The following PCDHA1 variants were observed in gnomAD, a reference collection of about 807,000 sequenced individuals.
The protein encoded by PCDHA1 is protocadherin alpha-1.
Under a neutral mutation model 61.3 loss-of-function variants are expected in PCDHA1, and 42 were observed. The observed-to-expected ratio is 0.69, with a 90% CI of 0.54 to 0.89. The LOEUF (loss-of-function observed/expected upper bound fraction) is 0.89, where lower values mean the gene tolerates loss of function less well. PCDHA1 is among the 40% of genes least tolerant of loss of function. The pLI, the probability that PCDHA1 is intolerant of heterozygous loss-of-function variation, is 0.00. For missense variants in PCDHA1, 1,256 were observed against 1,235.3 expected (o/e 1.02, Z -0.25); for synonymous variants, 610 against 553.8 (o/e 1.10, Z -1.43).
chr5:140,838,276 G>A (rs1775636569), intron 1 of PCDHA1, among the ~76,000 whole-genome samples: 1 of 88,868 alleles, frequency 1.1e-5, no homozygotes, highest in South Asian at 3.7e-4. Flanking sequence ...ACCAAGCCAT[G>A]CTAATTTTTT....
chr5:140,933,752 A>T (rs1308245960), intron 1 of PCDHA1, among the ~76,000 whole-genome samples: 1 of 152,068 alleles, frequency 6.6e-6, no homozygotes, highest in African/African-American at 2.4e-5. Context: ...AGAATTCACT[A>T]GTGAAGCTCT....
In PCDHA1 at chr5:140,843,731, T is replaced by C. The variant is rs1331325301; in HGVS notation, c.2394+55047T>C. 3.9e-6 allele frequency: 6 copies of C among 1,551,218 alleles called. 1 individual carries two copies. The highest frequency in any genetic ancestry group is 5.3e-6 in the Non-Finnish European group (6 of 1,131,064). On this transcript the variant is annotated intron_variant, in intron 1 of 3. Transcript: ENST00000504120. ...TGGCCTCAAAGTAAGTCCATTTAAA[T>C]TTAGAACTCATAAATTCTATTTGTG...
chr5:140,880,645 C>T (rs535367313), intron 1 of PCDHA1, among the ~76,000 whole-genome samples: 5 of 152,148 alleles, frequency 3.3e-5, no homozygotes, highest in Admixed American at 3.3e-4. Flanking sequence ...CACTTGAGAG[C>T]CCAACTGAGG....
intron 1 of PCDHA1, chr5:140,842,909 C>T: frequency 6.3e-7 from 1 of 1,594,530 alleles, no homozygotes; most frequent in Non-Finnish European, 8.6e-7. Flanking sequence ...GGAGCTAGAG[C>T]TGCTGCAGTT....
intron 3 of PCDHA1, among the ~76,000 whole-genome samples, chr5:140,999,676 C>T: frequency 6.6e-6 from 1 of 152,086 alleles, no homozygotes; most frequent in East Asian, 1.9e-4. Flanking sequence ...GGGGGGCTCA[C>T]AGAAAGAAGA....
intron 1 of PCDHA1, chr5:140,828,197 C>T (rs2150152294): frequency 1.9e-6 from 3 of 1,614,076 alleles, no homozygotes; most frequent in East Asian, 2.2e-5. Context: ...CTACTCCGTA[C>T]CCGAGGAGGC....
chr5:140,871,300 C>T (rs1562661811), intron 1 of PCDHA1: 4 of 1,613,916 alleles, frequency 2.5e-6, no homozygotes, highest in Non-Finnish European at 3.4e-6. Context: ...CGCGTGCGCG[C>T]CGGGGAAGCC....
At chr5:140,807,858 G>T in intron 1 of PCDHA1, 1 of 1,614,144 alleles carries the variant, frequency 6.2e-7, no homozygotes, top group Non-Finnish European at 8.5e-7. Flanking sequence ...GAGTTGACTG[G>T]CACCGTTCAG....
intron 1 of PCDHA1, among the ~76,000 whole-genome samples, chr5:140,962,051 T>G (rs1352018533): frequency 6.6e-6 from 1 of 151,838 alleles, no homozygotes; most frequent in East Asian, 1.9e-4. Context: ...GCCTGGCTAA[T>G]TTTTTTGTAT....
chr5:140,972,072 T>C (rs1380413898), intron 1 of PCDHA1, among the ~76,000 whole-genome samples: 1 of 152,212 alleles, frequency 6.6e-6, no homozygotes, highest in Non-Finnish European at 1.5e-5. Flanking sequence ...ATTAACTGCT[T>C]TTGGAAAAAG....
At chr5:140,899,841 T>C (rs2067584927) in intron 1 of PCDHA1, among the ~76,000 whole-genome samples, 1 of 152,208 alleles carries the variant, frequency 6.6e-6, no homozygotes, top group Non-Finnish European at 1.5e-5. Flanking sequence ...CAGGTCTTGC[T>C]GTGTCACCCA....
In PCDHA1 at chr5:140,857,896, T is replaced by A; in HGVS notation, c.2394+69212T>A. 4 of 1,597,704 alleles carry A rather than the reference T, an allele frequency of 2.5e-6. 1 individual carries two copies. The highest frequency in any genetic ancestry group is 3.4e-6 in the Non-Finnish European group (4 of 1,167,490). On this transcript the variant is annotated intron_variant, in intron 1 of 3. Coordinates refer to ENST00000504120, the MANE Select transcript of PCDHA1 (RefSeq NM_018900.4). ...ATGAATTGCAGTCGGCGGCGGTTGGTGCACGCATCCCGTTTCGCGTGGGGC... is the reference window on the plus strand; with the variant it reads ...ATGAATTGCAGTCGGCGGCGGTTGGAGCACGCATCCCGTTTCGCGTGGGGC...
chr5:140,809,075 G>A (rs1764355848), intron 1 of PCDHA1: 2 of 1,613,810 alleles, frequency 1.2e-6, no homozygotes, highest in African/African-American at 1.3e-5. Context: ...GTACACTGGC[G>A]AGATCAGCAC....
chr5:140,899,249 G>A (rs1256693010), intron 1 of PCDHA1, among the ~76,000 whole-genome samples: 9 of 152,122 alleles, frequency 5.9e-5, no homozygotes, highest in African/African-American at 2.2e-4. Context: ...TGGTGAGAGA[G>A]GGCATCCCTG....
chr5:140,806,566 A>C (rs1416834474), intron 1 of PCDHA1, among the ~76,000 whole-genome samples: 3 of 152,202 alleles, frequency 2.0e-5, no homozygotes, highest in African/African-American at 7.2e-5. Context: ...TTCCCTGTCA[A>C]TAGCTTGTTC....
intron 1 of PCDHA1, among the ~76,000 whole-genome samples, chr5:140,819,477 A>G (rs1335807902): frequency 6.6e-6 from 1 of 152,148 alleles, no homozygotes; most frequent in Non-Finnish European, 1.5e-5. Context: ...TTACACAATG[A>G]TGCTTAAACA....
chr5:140,875,817 G>C lies in PCDHA1; in HGVS notation c.2394+87133G>C, dbSNP rs1262566792. 3 of 1,614,090 alleles carry C rather than the reference G, an allele frequency of 1.9e-6. No homozygotes were observed. The highest frequency in any genetic ancestry group is 2.7e-5 in the African/African-American group (2 of 74,930). On this transcript the variant is annotated intron_variant, in intron 1 of 3. Coordinates refer to ENST00000504120, the MANE Select transcript of PCDHA1 (RefSeq NM_018900.4). ...AGGTGATCGTGGACAGGCCGCTGCA[G>C]GTTTTCCATGTGGACGTGGAGGTGA...
intron 1 of PCDHA1, among the ~76,000 whole-genome samples, chr5:140,957,575 T>C (rs1437290620): frequency 6.6e-6 from 1 of 152,152 alleles, no homozygotes; most frequent in African/African-American, 2.4e-5. Flanking sequence ...ACTACTGTAC[T>C]TTTAACAAAG....
At chr5:140,789,941 G>A (rs1468186928) in intron 1 of PCDHA1, among the ~76,000 whole-genome samples, 1 of 152,136 alleles carries the variant, frequency 6.6e-6, no homozygotes, top group Non-Finnish European at 1.5e-5. Flanking sequence ...ATTTGTGAAA[G>A]CAAATTATTA....
Sources: gnomAD v4.1 joint callset for allele counts (sites outside exome capture counted in the v4.1 genomes callset) on GRCh38, gnomAD v4.1.1 for gene constraint, MANE v1.5 for transcripts, NCBI Gene and HGNC (gene_info 2026-07-23, HGNC 2026-07-21) for gene names.